The following WDR72 variants were observed in gnomAD, a reference collection of about 807,000 sequenced individuals.
WDR72 encodes the protein WD repeat-containing protein 72.
WDR72 carries 120 observed loss-of-function variants against 124.2 expected under a neutral mutation model. That is an observed-to-expected ratio of 0.97 (90% confidence interval 0.83 to 1.12). The LOEUF (loss-of-function observed/expected upper bound fraction) is 1.12, where lower values mean the gene tolerates loss of function less well. Among genes scored for constraint, WDR72 ranks in the 50% most tolerant of loss-of-function variants. WDR72 has a pLI of 0.00. For synonymous variants in WDR72, 452 were observed against 441.7 expected (o/e 1.02, Z -0.29); for missense variants, 1,387 against 1,278.8 (o/e 1.08, Z -1.29).
At chr15:53,543,211 A>G (rs1185838480) in intron 18 of WDR72, among the ~76,000 whole-genome samples, 3 of 146,840 alleles carry the variant, frequency 2.0e-5, no homozygotes, top group Non-Finnish European at 4.5e-5. Flanking sequence ...GCACCACACC[A>G]CACCTATTCC....
intron 19 of WDR72, among the ~76,000 whole-genome samples, chr15:53,520,696 T>G (rs1163195964): frequency 1.3e-5 from 2 of 152,132 alleles, no homozygotes; most frequent in East Asian, 3.9e-4. Flanking sequence ...ACCACTAGAG[T>G]AATGCTTATG....
At chr15:53,659,421 C>T (rs1370750914) in intron 14 of WDR72, among the ~76,000 whole-genome samples, 2 of 152,108 alleles carry the variant, frequency 1.3e-5, no homozygotes, top group African/African-American at 4.8e-5. Flanking sequence ...CCTTTTGTGC[C>T]TCTGATTTAC....
chr15:53,633,523 T>A (rs1381222512), intron 14 of WDR72, among the ~76,000 whole-genome samples: 2 of 151,872 alleles, frequency 1.3e-5, no homozygotes, highest in African/African-American at 4.8e-5. Flanking sequence ...CAATAAACAA[T>A]CCAAAAATAA....
At chr15:53,539,816 T>C (rs1892974733) in intron 18 of WDR72, among the ~76,000 whole-genome samples, 1 of 152,142 alleles carries the variant, frequency 6.6e-6, no homozygotes, top group South Asian at 2.1e-4. Context: ...TAAATGTTAA[T>C]GGACTTAATT....
intron 19 of WDR72, among the ~76,000 whole-genome samples, chr15:53,518,915 A>C (rs1891627323): frequency 6.6e-6 from 1 of 152,072 alleles, no homozygotes; most frequent in East Asian, 1.9e-4. Context: ...GCCTTATAAA[A>C]ACCACAAAAA....
intron 14 of WDR72, among the ~76,000 whole-genome samples, chr15:53,621,339 A>C (rs2013980864): frequency 6.6e-6 from 1 of 151,474 alleles, no homozygotes; most frequent in Non-Finnish European, 1.5e-5. Context: ...AAATACTTGC[A>C]CAACTATGTT....
At chr15:53,637,804 T>C (rs1274752087) in intron 14 of WDR72, among the ~76,000 whole-genome samples, 3 of 152,194 alleles carry the variant, frequency 2.0e-5, no homozygotes, top group East Asian at 3.8e-4. Context: ...ACTTTCTGTA[T>C]CATATTTTTA....
chr15:53,710,645 A>C (rs2017506925), intron 9 of WDR72, among the ~76,000 whole-genome samples: 1 of 152,218 alleles, frequency 6.6e-6, no homozygotes, highest in African/African-American at 2.4e-5. Flanking sequence ...TTTCATTATA[A>C]ACTTAAAATA....
intron 13 of WDR72, among the ~76,000 whole-genome samples, chr15:53,675,671 G>T (rs753729991): frequency 6.6e-6 from 1 of 152,090 alleles, no homozygotes; most frequent in Non-Finnish European, 1.5e-5. Context: ...TACTTATTGG[G>T]TATAATATCC....
intron 1 of WDR72, among the ~76,000 whole-genome samples, chr15:53,743,541 A>G (rs1189003725): frequency 6.6e-6 from 1 of 152,180 alleles, no homozygotes; most frequent in African/African-American, 2.4e-5. Context: ...CTTGCGAATG[A>G]TTTTTAGCCA....
chr15:53,664,513 T>G (rs1462930307), intron 14 of WDR72, among the ~76,000 whole-genome samples: 1 of 151,786 alleles, frequency 6.6e-6, no homozygotes, highest in Non-Finnish European at 1.5e-5. Flanking sequence ...GATGACACAT[T>G]ATTTTGCCTA....
At chr15:53,693,457 CAA>C (rs2016906013) in intron 13 of WDR72, among the ~76,000 whole-genome samples, 2 of 152,266 alleles carry the variant, frequency 1.3e-5, no homozygotes, top group East Asian at 3.9e-4. Context: ...ATCTATACGA[CAA>C]GATTAAACAC....
At chr15:53,548,215 T>C (rs1437075060) in intron 18 of WDR72, among the ~76,000 whole-genome samples, 2 of 152,220 alleles carry the variant, frequency 1.3e-5, no homozygotes, top group African/African-American at 2.4e-5. Context: ...TAAAGTAGTG[T>C]GTGGTAGCAC....
intron 17 of WDR72, among the ~76,000 whole-genome samples, chr15:53,597,588 C>T (rs898429301): frequency 2.0e-5 from 3 of 152,018 alleles, no homozygotes; most frequent in African/African-American, 7.2e-5. Flanking sequence ...ATTTTCATTT[C>T]CACCAGAAGA....
At chr15:53,559,174 AT>A (rs1398015565) in intron 18 of WDR72, among the ~76,000 whole-genome samples, 1 of 81,628 alleles carries the variant, frequency 1.2e-5, no homozygotes, top group East Asian at 2.2e-4. Context: ...TTTTTTTTTC[AT>A]TTTAGGATTG....
intron 18 of WDR72, among the ~76,000 whole-genome samples, chr15:53,529,164 A>ATATATATATTTTTT (rs59003623): frequency 9.0e-5 from 7 of 78,168 alleles, no homozygotes; most frequent in Admixed American, 2.8e-4. Context: ...ATATATATAT[A>ATATATATATTTTTT]TTTTTTTTTT....
At chr15:53,744,703 G>C (rs768896458) in intron 1 of WDR72, among the ~76,000 whole-genome samples, 2 of 152,132 alleles carry the variant, frequency 1.3e-5, no homozygotes, top group Non-Finnish European at 2.9e-5. Context: ...CTAACACATA[G>C]ATGACATTCA....
intron 18 of WDR72, among the ~76,000 whole-genome samples, chr15:53,579,760 G>C (rs1292169814): frequency 6.6e-6 from 1 of 152,070 alleles, no homozygotes; most frequent in South Asian, 2.1e-4. Context: ...CCTGTAATCT[G>C]AGTACCACTC....
At chr15:53,685,656 A>G (rs1341026645) in intron 13 of WDR72, among the ~76,000 whole-genome samples, 4 of 151,156 alleles carry the variant, frequency 2.6e-5, no homozygotes, top group Admixed American at 6.6e-5. Flanking sequence ...TATCCAGGAG[A>G]ACTTCCCCAA....
Sources: gnomAD v4.1 joint callset for allele counts (sites outside exome capture counted in the v4.1 genomes callset) on GRCh38, gnomAD v4.1.1 for gene constraint, MANE v1.5 for transcripts, NCBI Gene and HGNC (gene_info 2026-07-23, HGNC 2026-07-21) for gene names.